The following LRRC8B variants were observed in gnomAD, a reference collection of about 807,000 sequenced individuals.
LRRC8B encodes leucine rich repeat containing 8 VRAC subunit B.
LRRC8B carries 23 observed loss-of-function variants against 58.8 expected under a neutral mutation model. The ratio of observed to expected loss-of-function variants is 0.39; its 90% CI spans 0.28 to 0.55. LRRC8B has a LOEUF of 0.55. LRRC8B is among the 20% of genes least tolerant of loss of function. LRRC8B has a pLI of 0.62. For synonymous variants in LRRC8B, 359 were observed against 374.1 expected (o/e 0.96, Z 0.47); for missense variants, 694 against 936.0 (o/e 0.74, Z 3.37).
At chr1:89,544,027 C>T (rs1053981510) in intron 1 of LRRC8B, among the ~76,000 whole-genome samples, 2 of 152,124 alleles carry the variant, frequency 1.3e-5, no homozygotes, top group African/African-American at 4.8e-5. Flanking sequence ...AACTCTTGGA[C>T]TCAAGTGATT....
rs1367742530 is a variant in LRRC8B at position 89,583,532 on chromosome 1, G to A, written c.882G>A (p.Gln294=). Residue 294 remains glutamine, a synonymous_variant, in exon 5 of 6, where the codon CAG becomes CAA. Coordinates refer to ENST00000330947, the MANE Select transcript of LRRC8B (RefSeq NM_001369817.2). This position sits in a 1 kb window ranked among gnomAD's most constrained non-coding sequence, Gnocchi z 5.2. The part of the protein sequence containing the change: ...TLEIDCSVDV[Q]AFTGYKRYQC... ...AAATCGACTGTTCAGTTGATGTGCA[G>A]GCTTTTACAGGATATAAGCGCTACC... is the stretch of plus-strand genomic sequence containing the variant. 6.2e-7 allele frequency: 1 copy of A among 1,612,652 alleles called. No individual in the cohort carries two copies. Among genetic ancestry groups the A allele is most frequent in the Non-Finnish European group, 8.5e-7 (1 of 1,180,032 alleles).
Position 89,577,772 on chromosome 1 carries a change from T to C in LRRC8B, c.-124-1819T>C, listed in dbSNP as rs79047352. ...AATGTTTAGCTGAGAAAGTAGATTATATGTAACGGAAGACATTACAGAAAA... is the reference window on the plus strand; with the variant it reads ...AATGTTTAGCTGAGAAAGTAGATTACATGTAACGGAAGACATTACAGAAAA... On this transcript the variant is annotated intron_variant, in intron 3 of 5. Coordinates refer to ENST00000330947, the MANE Select transcript of LRRC8B (RefSeq NM_001369817.2). Among the ~76,000 whole-genome samples, 30 of 152,334 alleles carry C rather than the reference T, an allele frequency of 2.0e-4. No individual in the cohort carries two copies. In the East Asian group the frequency reaches 5.2e-3, roughly 26 times the overall value.
intron 1 of LRRC8B, among the ~76,000 whole-genome samples, chr1:89,533,769 TC>T (rs1354003814): frequency 1.3e-5 from 2 of 152,342 alleles, no homozygotes; most frequent in Non-Finnish European, 1.5e-5. Flanking sequence ...GCAGTGGATA[TC>T]CAGGAGAGAA....
intron 5 of LRRC8B, 92 bp from the exon 6 acceptor site, chr1:89,592,679 T>G: frequency 9.0e-7 from 1 of 1,109,956 alleles, no homozygotes; most frequent in Non-Finnish European, 1.3e-6. Flanking sequence ...TCCAGAAATG[T>G]TTTGTTTTTT....
chr1:89,586,562 C>G (rs1394326815), intron 5 of LRRC8B, among the ~76,000 whole-genome samples: 1 of 152,098 alleles, frequency 6.6e-6, no homozygotes, highest in Non-Finnish European at 1.5e-5. Flanking sequence ...AATGAAGAAA[C>G]CTTGAGACCA....
chr1:89,580,413 C>T (rs1016648488), intron 4 of LRRC8B, among the ~76,000 whole-genome samples: 2 of 152,196 alleles, frequency 1.3e-5, no homozygotes, highest in African/African-American at 2.4e-5. Flanking sequence ...TAACAGCTGT[C>T]TCATGACTAG....
intron 5 of LRRC8B, among the ~76,000 whole-genome samples, chr1:89,587,541 A>G (rs1654710315): frequency 6.6e-6 from 1 of 152,188 alleles, no homozygotes; most frequent in Non-Finnish European, 1.5e-5. Flanking sequence ...TCAAAAAAGG[A>G]AAATAAGAAA....
rs1401290959 is a variant in LRRC8B at position 89,576,463 on chromosome 1, T to G, written c.-124-3128T>G. Reference sequence around the variant, plus strand: ...GTAAGGCCTGGGTTTACGTTTCTTTTAAAAGTGCCCCAAGAGGTTCTAAGG... The same window carrying G: ...GTAAGGCCTGGGTTTACGTTTCTTTGAAAAGTGCCCCAAGAGGTTCTAAGG... On this transcript the variant is annotated intron_variant, in intron 3 of 5. Coordinates refer to ENST00000330947, the MANE Select transcript of LRRC8B (RefSeq NM_001369817.2). 6.6e-5 allele frequency among the ~76,000 whole-genome samples: 10 copies of G among 152,212 alleles called. No individual in the cohort carries two copies. In the East Asian group the frequency reaches 1.3e-3, roughly 20 times the overall value.
intron 1 of LRRC8B, among the ~76,000 whole-genome samples, chr1:89,535,310 T>C (rs1442766798): frequency 1.3e-5 from 2 of 152,162 alleles, no homozygotes; most frequent in South Asian, 2.1e-4. Context: ...AGGTCCCTAA[T>C]AGGCCCATTT....
intron 3 of LRRC8B, among the ~76,000 whole-genome samples, chr1:89,578,414 C>T (rs1653998742): frequency 6.8e-6 from 1 of 146,636 alleles, no homozygotes; most frequent in Admixed American, 7.0e-5. Flanking sequence ...TTTATAAAGG[C>T]TTGTGAATTG....
Position 89,592,771 on chromosome 1 carries a change from A to C in LRRC8B, c.2140A>C (p.Ile714Leu). The C allele has an allele frequency of 6.2e-7, 1 of 1,612,516 alleles. No individual in the cohort carries two copies. Among genetic ancestry groups the C allele is most frequent in the Non-Finnish European group, 8.5e-7 (1 of 1,179,458 alleles). The change falls in exon 6 of 6, where the codon ATT becomes CTT. Residue 714 changes from isoleucine (I) to leucine (L), a missense_variant and splice_region_variant. Around this residue, in one of 5 missense-constraint regions of LRRC8B, gnomAD observed 139 missense variants for 158.2 expected, o/e 0.88. Transcript: ENST00000330947. ...AGCTTCTTTTTTCTTCCCTTTCCAG[A>C]TTGAGATGCTACCAGATGGGCTGTT... is the stretch of plus-strand genomic sequence containing the variant. ...LQYFAVTNNN[I>L]EMLPDGLFQC...
At chr1:89,586,954 G>C (rs1232941024) in intron 5 of LRRC8B, among the ~76,000 whole-genome samples, 1 of 152,178 alleles carries the variant, frequency 6.6e-6, no homozygotes, top group African/African-American at 2.4e-5. Context: ...GGGAACTATA[G>C]GTGGCACGGG....
In LRRC8B at chr1:89,589,471, C is replaced by T. The variant is rs143149046; in HGVS notation, c.2140-3300C>T. The stretch of plus-strand genomic sequence containing the variant: ...GCATTGATTGTAATGGAGAGAAGCA[C>T]AAGGCATGGGAAAGGATTGAGCTAG... On this transcript the variant is annotated intron_variant, in intron 5 of 5. Coordinates refer to ENST00000330947, the MANE Select transcript of LRRC8B (RefSeq NM_001369817.2). Among the ~76,000 whole-genome samples the T allele has an allele frequency of 6.3e-4, 96 of 151,864 alleles. 1 individual carries two copies. Among genetic ancestry groups the T allele is most frequent in the African/African-American group, 2.2e-3 (91 of 41,406 alleles).
chr1:89,550,891 A>G (rs1651755760), intron 1 of LRRC8B, among the ~76,000 whole-genome samples: 1 of 151,900 alleles, frequency 6.6e-6, no homozygotes, highest in Admixed American at 6.6e-5. Flanking sequence ...ATCCTGCCCC[A>G]TTGTATCTCT....
chr1:89,583,919 A>C lies in LRRC8B; in HGVS notation c.1269A>C (p.Glu423Asp). ...KLVKNAQDKIELHLFMLNGLP... is the reference protein window; with the variant it reads ...KLVKNAQDKIDLHLFMLNGLP... ...TGAAAAATGCCCAGGACAAGATAGA[A>C]CTGCATCTTTTTATGCTCAACGGTC... is the stretch of plus-strand genomic sequence containing the variant. Residue 423 changes from glutamate (E) to aspartate (D), a missense_variant, in exon 5 of 6, where the codon GAA (glutamate) becomes GAC (aspartate). By Grantham distance (45) the Glu-to-Asp change is conservative (BLOSUM62 2). Coordinates refer to ENST00000330947, the MANE Select transcript of LRRC8B (RefSeq NM_001369817.2). The surrounding 1 kb of genome is among the most constrained non-coding windows in gnomAD (Gnocchi z 5.2). 2 of 1,614,214 alleles carry C rather than the reference A, an allele frequency of 1.2e-6. No homozygotes were observed. Among genetic ancestry groups the C allele is most frequent in the Non-Finnish European group, 1.7e-6 (2 of 1,180,028 alleles).
At chr1:89,592,644 T>C (rs1245244189) in intron 5 of LRRC8B, 127 bp from the exon 6 acceptor site, 7 of 764,628 alleles carry the variant, frequency 9.2e-6, no homozygotes, top group Admixed American at 5.3e-5. Context: ...TTTATCATCA[T>C]TGTAGTCTGC....
rs1655259561 is a variant in LRRC8B at position 89,595,852 on chromosome 1, T to C, written c.*2809T>C. 6.6e-6 allele frequency: 1 copy of C among 152,142 alleles called. No individual in the cohort carries two copies. The highest frequency in any genetic ancestry group is 1.5e-5 in the Non-Finnish European group (1 of 67,978). 9.4% of individuals were successfully genotyped at this position (152,142 alleles called of 1,614,324 possible). On this transcript the variant is annotated 3_prime_UTR_variant, in exon 6 of 6. Transcript: ENST00000330947. ...AATTTTAAATGAAGAAAATTAAGTT[T>C]GTTAAATTATAATTATGAGACTTTC... is the stretch of plus-strand genomic sequence containing the variant.
At chr1:89,540,600 CAG>C (rs1650890335) in intron 1 of LRRC8B, among the ~76,000 whole-genome samples, 2 of 152,202 alleles carry the variant, frequency 1.3e-5, no homozygotes, top group Non-Finnish European at 2.9e-5. Context: ...GACCGTGGCA[CAG>C]CCTCTGCCAG....
intron 1 of LRRC8B, among the ~76,000 whole-genome samples, chr1:89,542,930 C>T (rs1364543936): frequency 6.6e-6 from 1 of 152,128 alleles, no homozygotes; most frequent in African/African-American, 2.4e-5. Flanking sequence ...GCAAGCTCCA[C>T]CTGATTTATC....
Sources: gnomAD v4.1 joint callset for allele counts (sites outside exome capture counted in the v4.1 genomes callset) on GRCh38, gnomAD v4.1.1 for gene constraint, gnomAD v4.1.1 regional missense constraint, Gnocchi (gnomAD v3.1) non-coding constraint, MANE v1.5 for transcripts, NCBI Gene and HGNC (gene_info 2026-07-23, HGNC 2026-07-21) for gene names.